The following KBTBD2 variants were observed in gnomAD, a reference collection of about 807,000 sequenced individuals.
KBTBD2 encodes the protein kelch repeat and BTB domain-containing protein 2.
In KBTBD2, 17 loss-of-function variants were observed where a neutral mutation model predicts 57.1. That is an observed-to-expected ratio of 0.30 (90% CI 0.20 to 0.45). The LOEUF (loss-of-function observed/expected upper bound fraction) is 0.45, where lower values mean the gene tolerates loss of function less well. Ranked by LOEUF, KBTBD2 falls within the 20% of genes least tolerant of loss-of-function variation. The pLI is 1.00. For synonymous variants in KBTBD2, 267 were observed against 262.7 expected (o/e 1.02, Z -0.16); for missense variants, 515 against 750.6 (o/e 0.69, Z 3.67).
intron 1 of KBTBD2, among the ~76,000 whole-genome samples, chr7:32,886,961 T>TG (rs1034012084): frequency 6.6e-6 from 1 of 150,514 alleles, no homozygotes; most frequent in Non-Finnish European, 1.5e-5. Context: ...TTTGGCTTTT[T>TG]GGGGGGAGGC....
chr7:32,878,302 G>A lies in KBTBD2; in HGVS notation c.170+1133C>T, dbSNP rs75055568. Among the ~76,000 whole-genome samples, 393 of 151,426 alleles carry A rather than the reference G, an allele frequency of 2.6e-3. 1 individual carries two copies. Among genetic ancestry groups the A allele is most frequent in the Non-Finnish European group, 3.5e-3 (236 of 67,764 alleles). ...GCCATTAAAGAACAGCAGAACAGGC[G>A]GTGCGCAGTGGCTCACGCCTGTAAT... On this transcript the variant is annotated intron_variant, in intron 2 of 3. Transcript: ENST00000304056.
chr7:32,877,572 T>A (rs776785923), intron 2 of KBTBD2, among the ~76,000 whole-genome samples: 3 of 152,160 alleles, frequency 2.0e-5, no homozygotes, highest in Non-Finnish European at 4.4e-5. Flanking sequence ...ATAGGAGCAT[T>A]AGATGTAAAG....
Position 32,875,198 on chromosome 7 carries a change from T to C in KBTBD2, c.171-41A>G, listed in dbSNP as rs151173616. The C allele has an allele frequency of 2.7e-4, 421 of 1,561,508 alleles. 3 individuals carry two copies. The East Asian group carries it at 6.6e-3, about 25-fold the overall frequency. ...AGAAAACAAAGTTGTAAGGGTTTTG[T>C]GTAAAACAAATGTAGAGCTGAAAAG... is the stretch of plus-strand genomic sequence containing the variant. On this transcript the variant is annotated intron_variant, in intron 2 of 3. Coordinates refer to ENST00000304056, the MANE Select transcript of KBTBD2 (RefSeq NM_015483.3).
At position 32,869,413 on chromosome 7, in the gene KBTBD2, G is replaced by A. The variant is rs750941086; in HGVS notation, c.1804C>T (p.Leu602Phe). Residue 602 changes from leucine to phenylalanine, a missense_variant, in exon 4 of 4, where the codon CTT becomes TTT. Physicochemically the swap from Leu to Phe is conservative, Grantham distance 22. Transcript: ENST00000304056. ...TCTTCTGTCCCATCCGTTGAAAAAA[G>A]ATAAGTTGGTGGTTTCCATGGAGAC... ...EESPWKPPTY[L>F]FSTDGTEEFE... The A allele has an allele frequency of 1.9e-6, 3 of 1,613,942 alleles. No individual in the cohort carries two copies. Among genetic ancestry groups the A allele is most frequent in the African/African-American group, 2.7e-5 (2 of 74,894 alleles).
chr7:32,878,995 G>GA (rs946791688), intron 2 of KBTBD2, among the ~76,000 whole-genome samples: 1 of 152,094 alleles, frequency 6.6e-6, no homozygotes, highest in Middle Eastern at 3.2e-3. Context: ...TAAAGAGTGA[G>GA]AAAAAATATA....
rs188185386 is a variant in KBTBD2, at chr7:32,868,292, G to A, written c.*1053C>T. On this transcript the variant is annotated 3_prime_UTR_variant, in exon 4 of 4. Coordinates refer to ENST00000304056, the MANE Select transcript of KBTBD2 (RefSeq NM_015483.3). ...GCACCTGTGCTCATGTTAGATTGGC[G>A]GCGCCCCACTACTGCTAGTGGTTCC... The A allele has an allele frequency of 7.9e-5, 12 of 152,550 alleles. No homozygotes were observed. In the East Asian group the frequency reaches 1.2e-3, roughly 15 times the overall value. 9.4% of individuals were successfully genotyped at this position (152,550 alleles called of 1,614,324 possible). A position where few individuals can be genotyped will look rare whatever the true frequency, so the allele number is the denominator to read the frequency against.
intron 1 of KBTBD2, among the ~76,000 whole-genome samples, chr7:32,883,595 A>G (rs1466785868): frequency 1.3e-5 from 2 of 152,218 alleles, no homozygotes; most frequent in African/African-American, 4.8e-5. Context: ...TCCCTTTTCA[A>G]TAATTACATT....
chr7:32,877,784 G>A (rs927529190), intron 2 of KBTBD2, among the ~76,000 whole-genome samples: 2 of 152,200 alleles, frequency 1.3e-5, no homozygotes, highest in Admixed American at 6.5e-5. Context: ...GTTGTCCCTT[G>A]GTATCTGTGG....
chr7:32,887,901 G>A (rs1255123481), intron 1 of KBTBD2, among the ~76,000 whole-genome samples: 1 of 151,640 alleles, frequency 6.6e-6, no homozygotes, highest in Non-Finnish European at 1.5e-5. Flanking sequence ...ATTGTTCTAG[G>A]ATTACATTTC....
Position 32,870,737 on chromosome 7 carries a change from G to T in KBTBD2, c.480C>A (p.Phe160Leu). The T allele has an allele frequency of 6.2e-7, 1 of 1,614,210 alleles. No individual in the cohort carries two copies. Among genetic ancestry groups the T allele is most frequent in the South Asian group, 1.1e-5 (1 of 91,080 alleles). Residue 160 changes from phenylalanine (F) to leucine (L), a missense_variant, in exon 4 of 4, where the codon TTC becomes TTA. Physicochemically the swap from Phe to Leu is conservative, Grantham distance 22. Transcript: ENST00000304056. The stretch of plus-strand genomic sequence containing the variant: ...ACGCGTCCTGATGATACACAGCAGT[G>T]AACTTGTGCTCCACCATTCTTTTAG... ...QSAKRMVEHK[F>L]TAVYHQDAFM...
chr7:32,881,173 T>G (rs1364911199), intron 1 of KBTBD2, among the ~76,000 whole-genome samples: 2 of 151,780 alleles, frequency 1.3e-5, no homozygotes, highest in Non-Finnish European at 2.9e-5. Flanking sequence ...ATGGTTTATT[T>G]CAACAAATAA....
intron 1 of KBTBD2, among the ~76,000 whole-genome samples, chr7:32,889,098 G>C (rs1006366771): frequency 6.6e-6 from 1 of 152,058 alleles, no homozygotes; most frequent in Non-Finnish European, 1.5e-5. Context: ...CAGATCACCA[G>C]GTCAGGAGAT....
In KBTBD2 at chr7:32,885,723, T is replaced by C. The variant is rs560741788; in HGVS notation, c.-338-5781A>G. The stretch of plus-strand genomic sequence containing the variant: ...TTGGAGTCATGCAAACACAATATAA[T>C]GAAATTCACAATCTTAATAAAGTGC... On this transcript the variant is annotated intron_variant, in intron 1 of 3. Coordinates refer to ENST00000304056, the MANE Select transcript of KBTBD2 (RefSeq NM_015483.3). 4.9e-4 allele frequency among the ~76,000 whole-genome samples: 75 copies of C among 152,256 alleles called. 1 individual carries two copies. Among genetic ancestry groups the C allele is most frequent in the African/African-American group, 1.7e-3 (72 of 41,536 alleles).
At chr7:32,873,730 G>A (rs548855554) in intron 3 of KBTBD2, among the ~76,000 whole-genome samples, 7 of 151,446 alleles carry the variant, frequency 4.6e-5, no homozygotes, top group South Asian at 2.1e-4. Context: ...GTGAAATTCC[G>A]TCTCAAAAAA....
intron 3 of KBTBD2, among the ~76,000 whole-genome samples, chr7:32,873,280 TTGCTCAATA>T (rs1784226832): frequency 6.6e-6 from 1 of 151,778 alleles, no homozygotes; most frequent in African/African-American, 2.4e-5. Flanking sequence ...TTCTCCTTAA[TTGCTCAATA>T]TGGTCACATA....
Position 32,869,694 on chromosome 7 carries a change from T to A in KBTBD2, c.1523A>T (p.Glu508Val). Residue 508 changes from glutamate (E) to valine (V), a missense_variant, in exon 4 of 4, where the codon GAG becomes GTG. By Grantham distance (121) the Glu-to-Val change is moderately radical. Coordinates refer to ENST00000304056, the MANE Select transcript of KBTBD2 (RefSeq NM_015483.3). ...AGGGATGTTGGCTGCCATTTTCCAC[T>A]CATTTTTATTCACATCATAAATTTC... is the stretch of plus-strand genomic sequence containing the variant. ...TVEIYDVNKNEWKMAANIPAK... is the reference protein window; with the variant it reads ...TVEIYDVNKNVWKMAANIPAK... 1 of 1,614,104 alleles carries A rather than the reference T, an allele frequency of 6.2e-7. No individual in the cohort carries two copies. Among genetic ancestry groups the A allele is most frequent in the Non-Finnish European group, 8.5e-7 (1 of 1,180,010 alleles).
At chr7:32,876,328 TAAG>T (rs1267000130) in intron 2 of KBTBD2, among the ~76,000 whole-genome samples, 1 of 152,096 alleles carries the variant, frequency 6.6e-6, no homozygotes, top group East Asian at 1.9e-4. Flanking sequence ...GGGTAGAACA[TAAG>T]AAGCAATTGT....
chr7:32,877,563 T>C (rs949374824), intron 2 of KBTBD2, among the ~76,000 whole-genome samples: 2 of 152,144 alleles, frequency 1.3e-5, no homozygotes, highest in Non-Finnish European at 2.9e-5. Flanking sequence ...AGTAGATGTA[T>C]AGGAGCATTA....
chr7:32,892,117 C>G (rs1255425549), upstream of KBTBD2: 2 of 152,146 alleles, frequency 1.3e-5, no homozygotes, highest in Non-Finnish European at 2.9e-5. Flanking sequence ...TTTCCTCTGC[C>G]GGATGCCACC....
Sources: allele counts gnomAD v4.1 joint callset (sites outside exome capture counted in the v4.1 genomes callset), GRCh38; gene constraint gnomAD v4.1.1; transcripts MANE v1.5; gene names NCBI Gene and HGNC (gene_info 2026-07-23, HGNC 2026-07-21).